TMTC3: variants seen among roughly 807,000 people sequenced by gnomAD.
TMTC3 encodes the protein protein O-mannosyl-transferase TMTC3.
In TMTC3, 52 loss-of-function variants were observed where a neutral mutation model predicts 92.2. The ratio of observed to expected loss-of-function variants is 0.56; its 90% CI spans 0.45 to 0.71. The LOEUF is 0.71. TMTC3 is among the 30% of genes least tolerant of loss of function. TMTC3 has a pLI of 0.00. For synonymous variants in TMTC3, 339 were observed against 363.3 expected, an observed-to-expected ratio of 0.93 and a Z score of 0.76; for missense variants, 896 against 1,057.1, an observed-to-expected ratio of 0.85 and a Z score of 2.11.
At chr12:88,155,453 G>C (rs2040995850) in intron 4 of TMTC3, among the ~76,000 whole-genome samples, 1 of 152,240 alleles carries the variant, frequency 6.6e-6, no homozygotes, top group East Asian at 1.9e-4. Context: ...TGGCCTACAG[G>C]ATTATAATCA....
intron 7 of TMTC3, among the ~76,000 whole-genome samples, chr12:88,170,858 G>A (rs1180476933): frequency 6.6e-6 from 1 of 152,136 alleles, no homozygotes; most frequent in African/African-American, 2.4e-5. Context: ...TTTTTTATGG[G>A]TGTATAATGT....
At chr12:88,184,916 A>T (rs2041359191) in intron 10 of TMTC3, among the ~76,000 whole-genome samples, 1 of 152,184 alleles carries the variant, frequency 6.6e-6, no homozygotes. Context: ...CTTCGAGATG[A>T]TAATAAACAG....
chr12:88,167,594 A>T (rs1372869236), intron 7 of TMTC3, among the ~76,000 whole-genome samples: 1 of 152,186 alleles, frequency 6.6e-6, no homozygotes, highest in Non-Finnish European at 1.5e-5. Context: ...TTAGGTGCTG[A>T]GGTTATGATA....
In TMTC3 at chr12:88,166,543, T is replaced by C; in HGVS notation, c.1011T>C (p.Ser337=). The C allele has an allele frequency of 6.2e-7, 1 of 1,613,932 alleles. No homozygotes were observed. Among genetic ancestry groups the C allele is most frequent in the Non-Finnish European group, 8.5e-7 (1 of 1,179,902 alleles). ...TTCTGGGGATGTTGGGAGTATTCAG[T>C]ATCAGATACTCTGGTGATTCCTCCA... ...FCFLGMLGVF[S]IRYSGDSSKT... Residue 337 remains serine (S), a synonymous_variant, in exon 7 of 14, where the codon AGT becomes AGC. Transcript: ENST00000266712.
chr12:88,155,399 T>C (rs1359765799), intron 4 of TMTC3, among the ~76,000 whole-genome samples: 1 of 152,206 alleles, frequency 6.6e-6, no homozygotes, highest in Non-Finnish European at 1.5e-5. Context: ...CCTCTTTAAG[T>C]ACCATCCTCA....
At chr12:88,190,666 C>T in intron 12 of TMTC3, 44 bp downstream of exon 12, 2 of 1,574,964 alleles carry the variant, frequency 1.3e-6, no homozygotes, top group East Asian at 2.2e-5. Context: ...AATATTGAAA[C>T]TGCATCTCCA....
intron 8 of TMTC3, among the ~76,000 whole-genome samples, chr12:88,173,727 T>C (rs1404432467): frequency 6.6e-6 from 1 of 152,090 alleles, no homozygotes; most frequent in African/African-American, 2.4e-5. Context: ...TCACTACCCA[T>C]TTTTGAATGC....
intron 1 of TMTC3, among the ~76,000 whole-genome samples, chr12:88,143,457 A>G (rs1565938939): frequency 6.6e-6 from 1 of 152,180 alleles, no homozygotes; most frequent in Non-Finnish European, 1.5e-5. Context: ...CTCATTTTCC[A>G]TCTGAGTTAA....
At chr12:88,168,348 C>T (rs2041168673) in intron 7 of TMTC3, among the ~76,000 whole-genome samples, 1 of 146,074 alleles carries the variant, frequency 6.8e-6, no homozygotes, top group Admixed American at 7.1e-5. Flanking sequence ...AATAATTTAA[C>T]TTTGACTGTT....
chr12:88,165,228 T>C (rs2041130909), intron 6 of TMTC3, among the ~76,000 whole-genome samples: 1 of 152,090 alleles, frequency 6.6e-6, no homozygotes, highest in Non-Finnish European at 1.5e-5. Context: ...CCCTCTGAAG[T>C]TGGATTTAAT....
intron 1 of TMTC3, among the ~76,000 whole-genome samples, chr12:88,143,558 ACCT>A (rs1004928324): frequency 2.0e-5 from 3 of 151,800 alleles, no homozygotes; most frequent in African/African-American, 2.4e-5. Context: ...ACTTCTATAC[ACCT>A]CCTCAGACAT....
chr12:88,160,048 A>G, intron 4 of TMTC3, 66 bp from the exon 5 acceptor site: 1 of 1,096,966 alleles, frequency 9.1e-7, no homozygotes. Context: ...CAAAGTTTAA[A>G]ATATCTTTTT....
rs1295796658 is a variant in TMTC3 at position 88,166,350 on chromosome 12, T to A, written c.818T>A (p.Val273Glu). 1 of 1,613,714 alleles carries A rather than the reference T, an allele frequency of 6.2e-7. No individual in the cohort carries two copies. The highest frequency in any genetic ancestry group is 1.3e-5 in the African/African-American group (1 of 74,932). ...VFTRFDNPAA[V>E]SPTPTRQLTF... ...TACAGGTTTGATAACCCAGCTGCTG[T>A]AAGCCCAACTCCTACAAGGCAACTA... Residue 273 changes from valine (V) to glutamate (E), a missense_variant, in exon 7 of 14, where the codon GTA (valine) becomes GAA (glutamate). Val to Glu is a moderately radical substitution (Grantham distance 121). Coordinates refer to ENST00000266712, the MANE Select transcript of TMTC3 (RefSeq NM_181783.4).
At chr12:88,151,453 A>G (rs907650230) in intron 2 of TMTC3, among the ~76,000 whole-genome samples, 33 of 152,318 alleles carry the variant, frequency 2.2e-4, no homozygotes, top group Non-Finnish European at 4.3e-4. Flanking sequence ...GAAAGTAATA[A>G]TGATCTGAAT....
intron 10 of TMTC3, among the ~76,000 whole-genome samples, chr12:88,186,653 A>G (rs928308928): frequency 2.0e-5 from 3 of 152,090 alleles, no homozygotes; most frequent in Non-Finnish European, 2.9e-5. Flanking sequence ...GATTTTTTAC[A>G]TCTTGCCTTC....
chr12:88,186,892 A>G (rs566584956), intron 10 of TMTC3, among the ~76,000 whole-genome samples: 13 of 152,240 alleles, frequency 8.5e-5, no homozygotes, highest in South Asian at 8.3e-4. Context: ...ATTAATGACA[A>G]TATCTCCTGG....
intron 12 of TMTC3, 138 bp downstream of exon 12, chr12:88,190,760 C>A: frequency 1.1e-6 from 1 of 877,836 alleles, no homozygotes; most frequent in Non-Finnish European, 1.7e-6. Flanking sequence ...CATAGAAGAG[C>A]ATAACTTTTT....
Position 88,160,211 on chromosome 12 carries a change from A to C in TMTC3, c.606A>C (p.Glu202Asp). 1.9e-6 allele frequency: 3 copies of C among 1,567,300 alleles called. No homozygotes were observed. Among genetic ancestry groups the C allele is most frequent in the Non-Finnish European group, 2.6e-6 (3 of 1,160,742 alleles). The change falls in exon 5 of 14, where the codon GAA becomes GAC. Residue 202 changes from glutamate to aspartate, a missense_variant. Glu to Asp is a conservative substitution (Grantham distance 45). Coordinates refer to ENST00000266712, the MANE Select transcript of TMTC3 (RefSeq NM_181783.4). ...TTGTAGGAATTTGCTGTGTGTATGAAGTGTTTATTGCCCAGGGGGTAAGCC... is the reference window on the plus strand; with the variant it reads ...TTGTAGGAATTTGCTGTGTGTATGACGTGTTTATTGCCCAGGGGGTAAGCC... ...ITVVGICCVY[E>D]VFIAQGYTLP...
At chr12:88,169,671 G>A (rs890146313) in intron 7 of TMTC3, among the ~76,000 whole-genome samples, 3 of 152,086 alleles carry the variant, frequency 2.0e-5, no homozygotes, top group African/African-American at 7.2e-5. Context: ...GGGTTCAATC[G>A]CTCATGCCTG....
Sources: allele counts gnomAD v4.1 joint callset (sites outside exome capture counted in the v4.1 genomes callset), GRCh38; gene constraint gnomAD v4.1.1; transcripts MANE v1.5; gene names NCBI Gene and HGNC (gene_info 2026-07-23, HGNC 2026-07-21).